TENT5A: variants seen among roughly 807,000 people sequenced by gnomAD.
The protein encoded by TENT5A is HBV X-transactivated gene 11 protein.
Under a neutral mutation model 30.2 loss-of-function variants are expected in TENT5A, and 9 were observed. The ratio of observed to expected loss-of-function variants is 0.30; its 90% CI spans 0.18 to 0.52. The LOEUF (loss-of-function observed/expected upper bound fraction) is 0.52. TENT5A is among the 20% of genes least tolerant of loss of function. TENT5A has a pLI of 0.97. For missense variants in TENT5A, 411 were observed against 566.1 expected, an observed-to-expected ratio of 0.73 and a Z score of 2.78; for synonymous variants, 264 against 234.2, an observed-to-expected ratio of 1.13 and a Z score of -1.16.
rs1768967161 is a variant in TENT5A, at chr6:81,748,938, C to T, written c.*757G>A. ...CTTCATATAGTCTACTATATCTCTTCTAATTGGGTATTTTTATCTGTTAAA... is the reference window on the plus strand; with the variant it reads ...CTTCATATAGTCTACTATATCTCTTTTAATTGGGTATTTTTATCTGTTAAA... On this transcript the variant is annotated 3_prime_UTR_variant, in exon 3 of 3. Transcript: ENST00000320172. 1 of 984,796 alleles carries T rather than the reference C, an allele frequency of 1.0e-6. No individual in the cohort carries two copies. Among genetic ancestry groups the T allele is most frequent in the East Asian group, 1.1e-4 (1 of 8,806 alleles). The allele number at this position is 984,796 out of a possible 1,614,324, so 61.0% of individuals were successfully genotyped here. A position where few individuals can be genotyped will look rare whatever the true frequency, so the allele number is the denominator to read the frequency against.
Position 81,746,332 on chromosome 6 carries a change from C to A in TENT5A, c.*3363G>T. 1 of 1,224,066 alleles carries A rather than the reference C, an allele frequency of 8.2e-7. No individual in the cohort carries two copies. Among genetic ancestry groups the A allele is most frequent in the Non-Finnish European group, 1.0e-6 (1 of 983,310 alleles). 75.8% of individuals were successfully genotyped at this position (1,224,066 alleles called of 1,614,324 possible). A position where few individuals can be genotyped will look rare whatever the true frequency, so the allele number is the denominator to read the frequency against. On this transcript the variant is annotated 3_prime_UTR_variant, in exon 3 of 3. Transcript: ENST00000320172. ...CACAATATTTATTTAACAAGCGTTG[C>A]ATTGAAAACAACTTTATGCACAGTG...
chr6:81,750,154 C>T lies in TENT5A; in HGVS notation c.870G>A (p.Gly290=). The change falls in exon 3 of 3, where the codon GGG becomes GGA. Residue 290 remains glycine, a synonymous_variant. Coordinates refer to ENST00000320172, the MANE Select transcript of TENT5A (RefSeq NM_017633.3). This position sits in a 1 kb window ranked among gnomAD's most constrained non-coding sequence, Gnocchi z 4.2. ...IATRNPEEIR[G]GGLLKYCNLL... ...GGTTGCAGTACTTAAGCAGGCCTCC[C>T]CCTCGGATTTCCTCTGGGTTCCTGG... The T allele has an allele frequency of 1.2e-6, 2 of 1,613,864 alleles. No individual in the cohort carries two copies. The highest frequency in any genetic ancestry group is 1.7e-6 in the Non-Finnish European group (2 of 1,179,866).
rs1001933510 is a variant in TENT5A at position 81,748,598 on chromosome 6, T to C, written c.*1097A>G. The C allele has an allele frequency of 1.4e-5, 14 of 966,974 alleles. No homozygotes were observed. The highest frequency in any genetic ancestry group is 5.3e-4 in the Middle Eastern group (1 of 1,896). The allele number at this position is 966,974 out of a possible 1,614,324, so 59.9% of individuals were successfully genotyped here. On this transcript the variant is annotated 3_prime_UTR_variant, in exon 3 of 3. Transcript: ENST00000320172. ...CTATTTGAGACATTATTCTAGATCA[T>C]AGTCAATCTACTGTGTATATATACA... is the stretch of plus-strand genomic sequence containing the variant.
chr6:81,746,468 G>A lies in TENT5A; in HGVS notation c.*3227C>T, dbSNP rs1768886924. ...ATTCTTCCATCCTTGCATTTTTGGAGCTACATTATTAGTCCATCCAATACC... is the reference window on the plus strand; with the variant it reads ...ATTCTTCCATCCTTGCATTTTTGGAACTACATTATTAGTCCATCCAATACC... On this transcript the variant is annotated 3_prime_UTR_variant, in exon 3 of 3. Coordinates refer to ENST00000320172, the MANE Select transcript of TENT5A (RefSeq NM_017633.3). 4.1e-6 allele frequency: 5 copies of A among 1,231,838 alleles called. No individual in the cohort carries two copies. Among genetic ancestry groups the A allele is most frequent in the Non-Finnish European group, 5.1e-6 (5 of 987,858 alleles). The allele number at this position is 1,231,838 out of a possible 1,614,324, so 76.3% of individuals were successfully genotyped here. A position where few individuals can be genotyped will look rare whatever the true frequency, so the allele number is the denominator to read the frequency against.
chr6:81,749,053 A>G lies in TENT5A; in HGVS notation c.*642T>C, dbSNP rs979301500. 7 of 985,870 alleles carry G rather than the reference A, an allele frequency of 7.1e-6. No individual in the cohort carries two copies. The East Asian group carries it at 5.7e-4, about 80-fold the overall frequency. The allele number at this position is 985,870 out of a possible 1,614,324, so 61.1% of individuals were successfully genotyped here. A position where few individuals can be genotyped will look rare whatever the true frequency, so the allele number is the denominator to read the frequency against. On this transcript the variant is annotated 3_prime_UTR_variant, in exon 3 of 3. Coordinates refer to ENST00000320172, the MANE Select transcript of TENT5A (RefSeq NM_017633.3). The stretch of plus-strand genomic sequence containing the variant: ...AATGTGATCTATGCACGCAGCTGGA[A>G]TTAATGGATTGTGTCATCATAAGTT...
At position 81,748,945 on chromosome 6, in the gene TENT5A, G is replaced by A; in HGVS notation, c.*750C>T. 1.0e-6 allele frequency: 1 copy of A among 984,754 alleles called. No homozygotes were observed. The allele number at this position is 984,754 out of a possible 1,614,324, so 61.0% of individuals were successfully genotyped here. On this transcript the variant is annotated 3_prime_UTR_variant, in exon 3 of 3. Coordinates refer to ENST00000320172, the MANE Select transcript of TENT5A (RefSeq NM_017633.3). ...TAGTCTACTATATCTCTTCTAATTG[G>A]GTATTTTTATCTGTTAAATCTTTGG...
Position 81,749,166 on chromosome 6 carries a change from A to G in TENT5A, c.*529T>C, listed in dbSNP as rs1168778595. On this transcript the variant is annotated 3_prime_UTR_variant, in exon 3 of 3. Coordinates refer to ENST00000320172, the MANE Select transcript of TENT5A (RefSeq NM_017633.3). Reference sequence around the variant, plus strand: ...AGCAAAACAAGATCATTCCACAGAAAGCACTTGCTACAAGCCTCAGACAGT... The same window carrying G: ...AGCAAAACAAGATCATTCCACAGAAGGCACTTGCTACAAGCCTCAGACAGT... 3 of 985,902 alleles carry G rather than the reference A, an allele frequency of 3.0e-6. No homozygotes were observed. The highest frequency in any genetic ancestry group is 3.6e-6 in the Non-Finnish European group (3 of 829,952). The allele number at this position is 985,902 out of a possible 1,614,324, so 61.1% of individuals were successfully genotyped here. A position where few individuals can be genotyped will look rare whatever the true frequency, so the allele number is the denominator to read the frequency against.
At position 81,746,353 on chromosome 6, in the gene TENT5A, CA is replaced by C; in HGVS notation, c.*3341del. On this transcript the variant is annotated 3_prime_UTR_variant, in exon 3 of 3. Transcript: ENST00000320172. ...GTTGCATTGAAAACAACTTTATGCA[CA>C]GTGAAGCAACCAACAATAAGCAAAC... 8.2e-7 allele frequency: 1 copy of C among 1,226,218 alleles called. No homozygotes were observed. Among genetic ancestry groups the C allele is most frequent in the Non-Finnish European group, 1.0e-6 (1 of 984,694 alleles). The allele number at this position is 1,226,218 out of a possible 1,614,324, so 76.0% of individuals were successfully genotyped here.
Position 81,749,617 on chromosome 6 carries a change from CTTTTTTTTTTCT to C in TENT5A, c.*66_*77del. ...CATCCCTAATAAGGGCTGGATCACTCTTTTTTTTTTCTTTTTTTTTTTTTTCTCTCCTGTCTT... is the reference window on the plus strand; with the variant it reads ...CATCCCTAATAAGGGCTGGATCACTCTTTTTTTTTTTTTCTCTCCTGTCTT... On this transcript the variant is annotated 3_prime_UTR_variant, in exon 3 of 3. Transcript: ENST00000320172. 2 of 1,370,996 alleles carry C rather than the reference CTTTTTTTTTTCT, an allele frequency of 1.5e-6. No individual in the cohort carries two copies. Among genetic ancestry groups the C allele is most frequent in the Non-Finnish European group, 1.9e-6 (2 of 1,033,046 alleles). 84.9% of individuals were successfully genotyped at this position (1,370,996 alleles called of 1,614,324 possible).
chr6:81,746,711 T>C lies in TENT5A; in HGVS notation c.*2984A>G. ...TAAAGAAACAGCACACTAGGCCAGA[T>C]AAACACAAAAGGAAACAAATCACAG... On this transcript the variant is annotated 3_prime_UTR_variant, in exon 3 of 3. Coordinates refer to ENST00000320172, the MANE Select transcript of TENT5A (RefSeq NM_017633.3). 8.1e-7 allele frequency: 1 copy of C among 1,227,340 alleles called. No individual in the cohort carries two copies. Among genetic ancestry groups the C allele is most frequent in the South Asian group, 4.2e-5 (1 of 23,532 alleles). 76.0% of individuals were successfully genotyped at this position (1,227,340 alleles called of 1,614,324 possible).
In TENT5A at chr6:81,750,593, G is replaced by A; in HGVS notation, c.553-122C>T. The A allele has an allele frequency of 1.6e-6, 1 of 638,200 alleles. No individual in the cohort carries two copies. Among genetic ancestry groups the A allele is most frequent in the Non-Finnish European group, 2.6e-6 (1 of 390,360 alleles). 39.5% of individuals were successfully genotyped at this position (638,200 alleles called of 1,614,324 possible). A position where few individuals can be genotyped will look rare whatever the true frequency, so the allele number is the denominator to read the frequency against. Reference sequence around the variant, plus strand: ...TTCCCTTTTGTTTTGTCAAGTTTCAGCCAAACACTACCTACAGGCTTAAAC... The same window carrying A: ...TTCCCTTTTGTTTTGTCAAGTTTCAACCAAACACTACCTACAGGCTTAAAC... On this transcript the variant is annotated intron_variant, in intron 2 of 2. Coordinates refer to ENST00000320172, the MANE Select transcript of TENT5A (RefSeq NM_017633.3). This position sits in a 1 kb window ranked among gnomAD's most constrained non-coding sequence, Gnocchi z 4.2.
intron 2 of TENT5A, among the ~76,000 whole-genome samples, chr6:81,751,380 A>G (rs1382727812): frequency 6.6e-6 from 1 of 152,220 alleles, no homozygotes; most frequent in African/African-American, 2.4e-5. Context: ...GAAGAGTTGT[A>G]GCGCCAAAGC....
In TENT5A at chr6:81,746,738, C is replaced by T. The variant is rs1581987788; in HGVS notation, c.*2957G>A. Reference sequence around the variant, plus strand: ...AACACAAAAGGAAACAAATCACAGGCGCTAATAGGGAGTCGGGAGCTGTTC... The same window carrying T: ...AACACAAAAGGAAACAAATCACAGGTGCTAATAGGGAGTCGGGAGCTGTTC... On this transcript the variant is annotated 3_prime_UTR_variant, in exon 3 of 3. Coordinates refer to ENST00000320172, the MANE Select transcript of TENT5A (RefSeq NM_017633.3). 1.5e-5 allele frequency: 18 copies of T among 1,223,424 alleles called. No individual in the cohort carries two copies. The highest frequency in any genetic ancestry group is 8.5e-5 in the South Asian group (2 of 23,412). 75.8% of individuals were successfully genotyped at this position (1,223,424 alleles called of 1,614,324 possible). A position where few individuals can be genotyped will look rare whatever the true frequency, so the allele number is the denominator to read the frequency against.
chr6:81,747,529 A>G lies in TENT5A; in HGVS notation c.*2166T>C. ...AAGAAAGATGCACAAAAGGTAGTCC[A>G]GACGGATTAACCTGGATTAACCTAG... On this transcript the variant is annotated 3_prime_UTR_variant, in exon 3 of 3. Transcript: ENST00000320172. 2 of 985,818 alleles carry G rather than the reference A, an allele frequency of 2.0e-6. No individual in the cohort carries two copies. Among genetic ancestry groups the G allele is most frequent in the African/African-American group, 3.5e-5 (2 of 57,358 alleles). 61.1% of individuals were successfully genotyped at this position (985,818 alleles called of 1,614,324 possible). A position where few individuals can be genotyped will look rare whatever the true frequency, so the allele number is the denominator to read the frequency against.
chr6:81,746,195 CT>C lies in TENT5A; in HGVS notation c.*3499del, dbSNP rs1272606934. On this transcript the variant is annotated 3_prime_UTR_variant, in exon 3 of 3. Transcript: ENST00000320172. ...CAAATAGATGCTATATATGAAATTA[CT>C]TTTTTTGGCTTTTTGGTTTCACCTA... The C allele has an allele frequency of 1.0e-5, 11 of 1,059,906 alleles. No individual in the cohort carries two copies. Among genetic ancestry groups the C allele is most frequent in the Middle Eastern group, 4.3e-4 (1 of 2,344 alleles). The allele number at this position is 1,059,906 out of a possible 1,614,324, so 65.7% of individuals were successfully genotyped here.
chr6:81,746,960 A>G lies in TENT5A; in HGVS notation c.*2735T>C. On this transcript the variant is annotated 3_prime_UTR_variant, in exon 3 of 3. Coordinates refer to ENST00000320172, the MANE Select transcript of TENT5A (RefSeq NM_017633.3). ...TTGTCTTGAGTACAGCCTGTTCTAT[A>G]TGAATAGGTGCCAGGTGCTGGCACT... The G allele has an allele frequency of 1.0e-6, 1 of 993,082 alleles. No individual in the cohort carries two copies. The highest frequency in any genetic ancestry group is 1.7e-5 in the African/African-American group (1 of 57,816). The allele number at this position is 993,082 out of a possible 1,614,324, so 61.5% of individuals were successfully genotyped here. A position where few individuals can be genotyped will look rare whatever the true frequency, so the allele number is the denominator to read the frequency against.
At position 81,752,450 on chromosome 6, in the gene TENT5A, C is replaced by T; in HGVS notation, c.-57G>A. The T allele has an allele frequency of 6.5e-7, 1 of 1,550,104 alleles. No individual in the cohort carries two copies. Among genetic ancestry groups the T allele is most frequent in the Non-Finnish European group, 8.7e-7 (1 of 1,146,822 alleles). ...TGTCACCTGGAGGCGGCCGCCCCTT[C>T]TAGGAGCGCAGCGAGCGAGAGCGAA... is the stretch of plus-strand genomic sequence containing the variant. On this transcript the variant is annotated 5_prime_UTR_variant, in exon 1 of 3. Coordinates refer to ENST00000320172, the MANE Select transcript of TENT5A (RefSeq NM_017633.3).
At position 81,749,774 on chromosome 6, in the gene TENT5A, C is replaced by T; in HGVS notation, c.1250G>A (p.Ser417Asn). Residue 417 changes from serine (S) to asparagine (N), a missense_variant, in exon 3 of 3, where the codon AGC (serine) becomes AAC (asparagine). Ser to Asn is a conservative substitution (Grantham distance 46, BLOSUM62 1). Around this residue, in one of 5 missense-constraint regions of TENT5A, gnomAD observed 75 missense variants for 80.9 expected, o/e 0.93. Transcript: ENST00000320172. The stretch of plus-strand genomic sequence containing the variant: ...CTGAACCTGTGCAATGTAGTAATTG[C>T]TAAAGTTGGCATCTGCTACATAGGG... ...PAPYVADANF[S>N]NYYIAQVQPV... 1 of 1,613,990 alleles carries T rather than the reference C, an allele frequency of 6.2e-7. No homozygotes were observed. Among genetic ancestry groups the T allele is most frequent in the Non-Finnish European group, 8.5e-7 (1 of 1,180,010 alleles).
chr6:81,751,383 G>A (rs535107523), intron 2 of TENT5A, among the ~76,000 whole-genome samples: 3 of 152,280 alleles, frequency 2.0e-5, no homozygotes, highest in African/African-American at 7.2e-5. Flanking sequence ...GAGTTGTAGC[G>A]CCAAAGCATC....
Sources: allele counts gnomAD v4.1 joint callset (sites outside exome capture counted in the v4.1 genomes callset), GRCh38; gene constraint gnomAD v4.1.1; regional missense constraint gnomAD v4.1.1; non-coding constraint Gnocchi (gnomAD v3.1); transcripts MANE v1.5; gene names NCBI Gene and HGNC (gene_info 2026-07-23, HGNC 2026-07-21).